The following TRAK2 variants were observed in gnomAD, a reference collection of about 807,000 sequenced individuals.
The protein encoded by TRAK2 is trafficking kinesin-binding protein 2.
A neutral mutation model predicts 104.6 loss-of-function variants in TRAK2; 81 were observed. The ratio of observed to expected loss-of-function variants is 0.77; its 90% CI spans 0.65 to 0.93. The LOEUF (loss-of-function observed/expected upper bound fraction) is 0.93, where lower values mean the gene tolerates loss of function less well. Among genes scored for constraint, TRAK2 ranks in the 40% least tolerant of loss-of-function variants. The probability of loss-of-function intolerance (pLI) is 0.00; values close to 1 mark genes in which losing one functional copy is unlikely to be tolerated. For synonymous variants in TRAK2, 406 were observed against 394.4 expected, an observed-to-expected ratio of 1.03 and a Z score of -0.35; for missense variants, 1,002 against 1,089.0, an observed-to-expected ratio of 0.92 and a Z score of 1.12.
chr2:201,389,470 C>A lies in TRAK2; in HGVS notation c.1227G>T (p.Arg409Ser). Residue 409 changes from arginine to serine, a missense_variant, in exon 12 of 16, where the codon AGG becomes AGT. Physicochemically the swap from Arg to Ser is moderately radical, Grantham distance 110. Coordinates refer to ENST00000332624, the MANE Select transcript of TRAK2 (RefSeq NM_015049.3). ...AGCGGCCCCGTGTGTCATTGGCAATCCTGACGGTATCAAATACCCGCTTCT... is the reference window on the plus strand; with the variant it reads ...AGCGGCCCCGTGTGTCATTGGCAATACTGACGGTATCAAATACCCGCTTCT... ...AQQKRVFDTV[R>S]IANDTRGRSI... The A allele has an allele frequency of 6.2e-7, 1 of 1,614,090 alleles. No individual in the cohort carries two copies. Among genetic ancestry groups the A allele is most frequent in the Non-Finnish European group, 8.5e-7 (1 of 1,180,014 alleles).
At position 201,407,413 on chromosome 2, in the gene TRAK2, G is replaced by T; in HGVS notation, c.276C>A (p.Phe92Leu). Residue 92 changes from phenylalanine (F) to leucine (L), a missense_variant, in exon 3 of 16, where the codon TTC (phenylalanine) becomes TTA (leucine). Coordinates refer to ENST00000332624, the MANE Select transcript of TRAK2 (RefSeq NM_015049.3). ...ALSPVLAEETFRYMILGTDRV... is the reference protein window; with the variant it reads ...ALSPVLAEETLRYMILGTDRV... The stretch of plus-strand genomic sequence containing the variant: ...AAAAAAAATACTCACTCATGTAACG[G>T]AAAGTCTCTTCAGCAAGGACTGGAG... 6.2e-7 allele frequency: 1 copy of T among 1,613,328 alleles called. No individual in the cohort carries two copies. Among genetic ancestry groups the T allele is most frequent in the Non-Finnish European group, 8.5e-7 (1 of 1,179,696 alleles).
rs373267202 is a variant in TRAK2 at position 201,398,153 on chromosome 2, G to A, written c.682C>T (p.Arg228Ter). The change falls in exon 6 of 16, where the codon CGA (arginine) becomes TGA (stop). Residue 228 changes from arginine to a stop codon, truncating the protein, a stop_gained. Coordinates refer to ENST00000332624, the MANE Select transcript of TRAK2 (RefSeq NM_015049.3). LOFTEE classifies it high-confidence loss of function. ...KELEEENMAL[R>*]SKACHIKTET... ...AATTAGGTTGAACGTACCTTGGATC[G>A]AAGAGCCATATTCTCTTCTTCCAGT... is the stretch of plus-strand genomic sequence containing the variant. The A allele has an allele frequency of 9.5e-5, 154 of 1,613,252 alleles. 1 individual carries two copies. The highest frequency in any genetic ancestry group is 1.2e-4 in the Non-Finnish European group (143 of 1,179,468).
chr2:201,440,430 A>G (rs1381344885), intron 1 of TRAK2, among the ~76,000 whole-genome samples: 1 of 152,100 alleles, frequency 6.6e-6, no homozygotes, highest in Non-Finnish European at 1.5e-5. Flanking sequence ...GACTTCCCAA[A>G]TACCTCTTTC....
chr2:201,415,680 A>C (rs1402906916), intron 2 of TRAK2, among the ~76,000 whole-genome samples: 10 of 152,174 alleles, frequency 6.6e-5, no homozygotes, highest in Admixed American at 6.5e-4. Flanking sequence ...TCTAAAATGA[A>C]GCACAGAGAA....
chr2:201,402,027 CAA>C (rs1951554984), intron 3 of TRAK2, among the ~76,000 whole-genome samples: 1 of 152,030 alleles, frequency 6.6e-6, no homozygotes, highest in Non-Finnish European at 1.5e-5. Flanking sequence ...TGAGCTGGAA[CAA>C]GTCACTTAAC....
intron 2 of TRAK2, among the ~76,000 whole-genome samples, chr2:201,410,271 A>C (rs1478161801): frequency 1.3e-5 from 2 of 151,912 alleles, no homozygotes; most frequent in Non-Finnish European, 2.9e-5. Context: ...GCGCCACTGC[A>C]CTTCAGCCTG....
intron 1 of TRAK2, among the ~76,000 whole-genome samples, chr2:201,441,683 T>C (rs979781805): frequency 7.1e-6 from 1 of 141,698 alleles, no homozygotes; most frequent in Non-Finnish European, 1.6e-5. Context: ...GTGCTCTTTC[T>C]TTTTTTTTTT....
intron 1 of TRAK2, among the ~76,000 whole-genome samples, chr2:201,439,853 A>G (rs1576538988): frequency 6.9e-6 from 1 of 144,952 alleles, no homozygotes; most frequent in South Asian, 2.3e-4. Context: ...CAAACACCGC[A>G]TGTTCTCACT....
chr2:201,438,050 A>C (rs1347986215), intron 1 of TRAK2, among the ~76,000 whole-genome samples: 3 of 152,212 alleles, frequency 2.0e-5, no homozygotes, highest in African/African-American at 4.8e-5. Context: ...TTATCAACTC[A>C]GTACAGTGAG....
chr2:201,428,836 T>C (rs1191970171), intron 1 of TRAK2, among the ~76,000 whole-genome samples: 2 of 152,232 alleles, frequency 1.3e-5, no homozygotes, highest in East Asian at 1.9e-4. Context: ...TGTCCTCTTT[T>C]ATTTCGTTGA....
intron 9 of TRAK2, 42 bp downstream of exon 9, chr2:201,394,756 C>G (rs1447913110): frequency 1.3e-6 from 2 of 1,485,294 alleles, no homozygotes; most frequent in South Asian, 1.2e-5. Context: ...AAACTAGTCA[C>G]TCTTTCCCCT....
chr2:201,443,529 C>G (rs935446511), intron 1 of TRAK2, among the ~76,000 whole-genome samples: 1 of 152,096 alleles, frequency 6.6e-6, no homozygotes, highest in Non-Finnish European at 1.5e-5. Context: ...TTTTGCCAAC[C>G]AACCACTACC....
At chr2:201,429,251 C>T (rs1469643843) in intron 1 of TRAK2, among the ~76,000 whole-genome samples, 1 of 152,162 alleles carries the variant, frequency 6.6e-6, no homozygotes, top group Non-Finnish European at 1.5e-5. Flanking sequence ...GTGCCAGTTT[C>T]CCTTTGTGGG....
intron 1 of TRAK2, among the ~76,000 whole-genome samples, chr2:201,424,370 G>C (rs1951768264): frequency 6.6e-6 from 1 of 152,020 alleles, no homozygotes; most frequent in Non-Finnish European, 1.5e-5. Context: ...TTATAGTTTA[G>C]GAATCAAGTG....
intron 13 of TRAK2, among the ~76,000 whole-genome samples, chr2:201,387,173 ATCAT>A (rs1198790793): frequency 6.6e-6 from 1 of 152,252 alleles, no homozygotes; most frequent in East Asian, 1.9e-4. Context: ...ATATCAGAGA[ATCAT>A]TCAATGATTG....
intron 1 of TRAK2, among the ~76,000 whole-genome samples, chr2:201,439,420 T>G (rs1386454635): frequency 6.6e-6 from 1 of 152,106 alleles, no homozygotes; most frequent in African/African-American, 2.4e-5. Context: ...ATGGTTTTCT[T>G]ATTTTAAAAA....
intron 1 of TRAK2, among the ~76,000 whole-genome samples, chr2:201,437,954 C>A (rs1951891194): frequency 6.6e-6 from 1 of 152,186 alleles, no homozygotes; most frequent in South Asian, 2.1e-4. Flanking sequence ...GTCCACTTGG[C>A]AGTTGTACTG....
At chr2:201,423,037 C>CCACCACACACACACACACA (rs776613893) in intron 1 of TRAK2, among the ~76,000 whole-genome samples, 2 of 134,150 alleles carry the variant, frequency 1.5e-5, no homozygotes, top group African/African-American at 5.7e-5. Context: ...AACACCACCA[C>CCACCACACACACACACACA]CACACACACA....
chr2:201,432,696 A>G (rs1230782866), intron 1 of TRAK2, among the ~76,000 whole-genome samples: 8 of 152,216 alleles, frequency 5.3e-5, no homozygotes, highest in Non-Finnish European at 4.4e-5. Context: ...TGCCTAAAAA[A>G]TATCTTGCTA....
Sources: gnomAD v4.1 joint callset for allele counts (sites outside exome capture counted in the v4.1 genomes callset) on GRCh38, gnomAD v4.1.1 for gene constraint, MANE v1.5 for transcripts, NCBI Gene and HGNC (gene_info 2026-07-23, HGNC 2026-07-21) for gene names.